CEP41: variants seen among roughly 807,000 people sequenced by gnomAD.
CEP41 encodes the protein centrosomal protein of 41 kDa.
A neutral mutation model predicts 44.3 loss-of-function variants in CEP41; 32 were observed. The observed-to-expected ratio is 0.72, with a 90% CI of 0.54 to 0.97. CEP41 has a LOEUF of 0.97. Among genes scored for constraint, CEP41 ranks in the 50% least tolerant of loss-of-function variants. The probability of loss-of-function intolerance (pLI) is 0.00; values close to 1 mark genes in which losing one functional copy is unlikely to be tolerated. For synonymous variants in CEP41, 151 were observed against 168.5 expected, an observed-to-expected ratio of 0.90 and a Z score of 0.80; for missense variants, 432 against 455.2, an observed-to-expected ratio of 0.95 and a Z score of 0.46.
rs1233103891 is a variant in CEP41 at position 130,397,908 on chromosome 7, A to G, written c.*983T>C. ...AGCAGGAAATTGCACTAATTACTCA[A>G]TTAGACTAATACTGTATTTCTAAGC... On this transcript the variant is annotated 3_prime_UTR_variant, in exon 11 of 11. Coordinates refer to ENST00000223208, the MANE Select transcript of CEP41 (RefSeq NM_018718.3). 2 of 454,150 alleles carry G rather than the reference A, an allele frequency of 4.4e-6. No homozygotes were observed. The highest frequency in any genetic ancestry group is 4.0e-5 in the African/African-American group (2 of 50,004). 28.1% of individuals were successfully genotyped at this position (454,150 alleles called of 1,614,324 possible).
intron 5 of CEP41, among the ~76,000 whole-genome samples, chr7:130,410,128 C>T (rs1554419144): frequency 6.6e-6 from 1 of 151,580 alleles, no homozygotes; most frequent in African/African-American, 2.4e-5. Flanking sequence ...TGGGTTCAAG[C>T]AATTCTCCTG....
chr7:130,427,569 T>A (rs1178396573), intron 2 of CEP41, among the ~76,000 whole-genome samples: 1 of 152,192 alleles, frequency 6.6e-6, no homozygotes, highest in African/African-American at 2.4e-5. Context: ...AAACACTGCA[T>A]TGAACAAATA....
chr7:130,424,008 C>A (rs2117657450), intron 2 of CEP41, among the ~76,000 whole-genome samples: 1 of 152,270 alleles, frequency 6.6e-6, no homozygotes, highest in Middle Eastern at 3.4e-3. Context: ...CAACTCCTAT[C>A]AAAATCACAG....
intron 1 of CEP41, among the ~76,000 whole-genome samples, chr7:130,431,108 T>C (rs1423237417): frequency 2.7e-5 from 4 of 149,800 alleles, no homozygotes; most frequent in Non-Finnish European, 5.9e-5. Flanking sequence ...CCTGACTTTC[T>C]AGTACCAACC....
chr7:130,425,663 A>G (rs1191208802), intron 2 of CEP41, among the ~76,000 whole-genome samples: 2 of 152,264 alleles, frequency 1.3e-5, no homozygotes, highest in Admixed American at 1.3e-4. Context: ...CTTATCCCAG[A>G]GAAATGAAGA....
chr7:130,428,428 CAAAAA>C (rs67847969), intron 1 of CEP41, among the ~76,000 whole-genome samples: 2 of 38,082 alleles, frequency 5.3e-5, no homozygotes, highest in South Asian at 1.7e-3. Flanking sequence ...GACTCTGACT[CAAAAA>C]AAAAAAAAAA....
At position 130,397,661 on chromosome 7, in the gene CEP41, C is replaced by T. The variant is rs1796708217; in HGVS notation, c.*1230G>A. ...AAAGAGCACAATTTATTCCTCAGTC[C>T]CTTATCACAGCTACGATCACAGACC... On this transcript the variant is annotated 3_prime_UTR_variant, in exon 11 of 11. Coordinates refer to ENST00000223208, the MANE Select transcript of CEP41 (RefSeq NM_018718.3). 1 of 453,812 alleles carries T rather than the reference C, an allele frequency of 2.2e-6. No individual in the cohort carries two copies. Among genetic ancestry groups the T allele is most frequent in the South Asian group, 1.6e-5 (1 of 64,354 alleles). The allele number at this position is 453,812 out of a possible 1,614,324, so 28.1% of individuals were successfully genotyped here.
intron 1 of CEP41, among the ~76,000 whole-genome samples, chr7:130,431,011 T>G (rs1797807023): frequency 1.3e-5 from 2 of 152,112 alleles, no homozygotes; most frequent in Non-Finnish European, 2.9e-5. Flanking sequence ...GGTTTTTCCT[T>G]ACATAGACTA....
chr7:130,426,748 G>T (rs1045421973), intron 2 of CEP41: 1 of 445,522 alleles, frequency 2.2e-6, no homozygotes, highest in Non-Finnish European at 4.5e-6. Context: ...GGAAATACAG[G>T]AACAGTACGG....
At chr7:130,403,949 AG>A (rs1479160119) in intron 6 of CEP41, among the ~76,000 whole-genome samples, 2 of 152,224 alleles carry the variant, frequency 1.3e-5, no homozygotes, top group Non-Finnish European at 2.9e-5. Context: ...TATCAGTCAA[AG>A]GGATGGACAT....
rs990011112 is a variant in CEP41 at position 130,397,052 on chromosome 7, T to C, written c.*1839A>G. 2 of 454,372 alleles carry C rather than the reference T, an allele frequency of 4.4e-6. No homozygotes were observed. The highest frequency in any genetic ancestry group is 4.0e-5 in the African/African-American group (2 of 49,992). The allele number at this position is 454,372 out of a possible 1,614,324, so 28.1% of individuals were successfully genotyped here. A position where few individuals can be genotyped will look rare whatever the true frequency, so the allele number is the denominator to read the frequency against. On this transcript the variant is annotated 3_prime_UTR_variant, in exon 11 of 11. Transcript: ENST00000223208. Reference sequence around the variant, plus strand: ...AAAATCTTTTTTCCTTAAAAATGTATATGTGGCAAAAATGGCTGAAAATCT... The same window carrying C: ...AAAATCTTTTTTCCTTAAAAATGTACATGTGGCAAAAATGGCTGAAAATCT...
intron 2 of CEP41, chr7:130,417,264 A>C: frequency 8.4e-7 from 1 of 1,189,792 alleles, no homozygotes. Context: ...TTGTTTTTCA[A>C]GTCTAGGCTT....
At position 130,394,745 on chromosome 7, in the gene CEP41, A is replaced by C. The variant is rs1175248518; in HGVS notation, c.*4146T>G. The C allele has an allele frequency of 2.2e-6, 1 of 454,030 alleles. No homozygotes were observed. Among genetic ancestry groups the C allele is most frequent in the Non-Finnish European group, 4.4e-6 (1 of 226,800 alleles). 28.1% of individuals were successfully genotyped at this position (454,030 alleles called of 1,614,324 possible). ...ATCACATCCAAACTTCAATCTTGAC[A>C]GGTTCAATTCATTTATTCATGAACA... On this transcript the variant is annotated 3_prime_UTR_variant, in exon 11 of 11. Transcript: ENST00000223208.
chr7:130,431,178 A>T (rs969033892), intron 1 of CEP41, among the ~76,000 whole-genome samples: 1 of 120,794 alleles, frequency 8.3e-6, no homozygotes, highest in African/African-American at 3.3e-5. Flanking sequence ...TATGGGACTG[A>T]CATACTTTTT....
intron 5 of CEP41, among the ~76,000 whole-genome samples, chr7:130,409,440 A>G (rs1797108226): frequency 6.6e-6 from 1 of 152,222 alleles, no homozygotes; most frequent in Admixed American, 6.5e-5. Flanking sequence ...GGAGACTCAA[A>G]TTATCTCTGC....
intron 2 of CEP41, among the ~76,000 whole-genome samples, chr7:130,422,875 A>G (rs1347984662): frequency 2.0e-5 from 3 of 152,234 alleles, no homozygotes; most frequent in Non-Finnish European, 2.9e-5. Context: ...TAACCCACAG[A>G]ATGGGAGAAA....
chr7:130,399,137 C>A (rs1719870969), intron 10 of CEP41, 98 bp from the exon 11 acceptor site: 8 of 1,458,840 alleles, frequency 5.5e-6, no homozygotes, highest in Non-Finnish European at 7.6e-6. Context: ...AGCCTACAAC[C>A]ACTTTTAAGC....
At chr7:130,408,862 A>G (rs1255182648) in intron 5 of CEP41, among the ~76,000 whole-genome samples, 2 of 152,248 alleles carry the variant, frequency 1.3e-5, no homozygotes, top group African/African-American at 4.8e-5. Context: ...TCCAAAGGAC[A>G]GATATTAGAT....
chr7:130,416,891 C>A, intron 3 of CEP41, 28 bp downstream of exon 3: 1 of 1,541,192 alleles, frequency 6.5e-7, no homozygotes, highest in South Asian at 1.1e-5. Context: ...GACTTCCACT[C>A]TCCCAAACCA....
Sources: allele counts gnomAD v4.1 joint callset (sites outside exome capture counted in the v4.1 genomes callset), GRCh38; gene constraint gnomAD v4.1.1; transcripts MANE v1.5; gene names NCBI Gene and HGNC (gene_info 2026-07-23, HGNC 2026-07-21).